Variants in GULP1 observed in about 807,000 individuals in gnomAD.
The protein encoded by GULP1 is GULP PTB domain containing engulfment adaptor 1.
A neutral mutation model predicts 40.9 loss-of-function variants in GULP1; 19 were observed. The observed-to-expected ratio is 0.46, with a 90% CI of 0.32 to 0.68. The LOEUF (loss-of-function observed/expected upper bound fraction) is 0.68, where lower values mean the gene tolerates loss of function less well. GULP1 is among the 30% of genes least tolerant of loss of function. The pLI, the probability that GULP1 is intolerant of heterozygous loss-of-function variation, is 0.03. For synonymous variants in GULP1, 119 were observed against 117.6 expected (o/e 1.01, Z -0.08); for missense variants, 312 against 362.2 (o/e 0.86, Z 1.12).
intron 2 of GULP1, among the ~76,000 whole-genome samples, chr2:188,446,602 T>C (rs1477777316): frequency 1.3e-5 from 2 of 152,202 alleles, no homozygotes; most frequent in Non-Finnish European, 2.9e-5. Context: ...CTGGATTATC[T>C]GTCTCTGCCA....
intron 11 of GULP1, chr2:188,592,426 CTAAG>C (rs1195936136): frequency 6.6e-6 from 1 of 151,822 alleles, no homozygotes; most frequent in Non-Finnish European, 1.5e-5. Context: ...ATTTATTTTT[CTAAG>C]TATTTGCTGG....
intron 4 of GULP1, among the ~76,000 whole-genome samples, chr2:188,499,146 T>TATATAC (rs1343572096): frequency 2.2e-5 from 3 of 135,204 alleles, no homozygotes; most frequent in African/African-American, 8.3e-5. Context: ...TATATATATA[T>TATATAC]ATATATATAT....
intron 11 of GULP1, chr2:188,591,678 A>G (rs949796865): frequency 2.0e-5 from 3 of 151,784 alleles, no homozygotes; most frequent in South Asian, 2.1e-4. Context: ...TATGTAATAT[A>G]TTACTTACAT....
At chr2:188,314,342 G>T (rs781290360) in intron 1 of GULP1, among the ~76,000 whole-genome samples, 1 of 152,096 alleles carries the variant, frequency 6.6e-6, no homozygotes, top group African/African-American at 2.4e-5. Context: ...ACTTTCTCCT[G>T]TGCAAATTTT....
chr2:188,363,979 C>A (rs533393204), intron 1 of GULP1, among the ~76,000 whole-genome samples: 1 of 152,124 alleles, frequency 6.6e-6, no homozygotes, highest in Non-Finnish European at 1.5e-5. Context: ...TCTAACATTG[C>A]AGCTTTTTAA....
chr2:188,329,811 C>T (rs1200329423), intron 1 of GULP1, among the ~76,000 whole-genome samples: 2 of 151,986 alleles, frequency 1.3e-5, no homozygotes, highest in African/African-American at 4.8e-5. Flanking sequence ...TGTATTTTGG[C>T]AAGATGGGGA....
intron 1 of GULP1, among the ~76,000 whole-genome samples, chr2:188,354,543 A>G (rs1328197078): frequency 6.6e-6 from 1 of 152,136 alleles, no homozygotes; most frequent in African/African-American, 2.4e-5. Flanking sequence ...GTTCATGAGG[A>G]CCTGAGCCTA....
chr2:188,309,062 T>C (rs1323397866), intron 1 of GULP1, among the ~76,000 whole-genome samples: 1 of 152,170 alleles, frequency 6.6e-6, no homozygotes, highest in African/African-American at 2.4e-5. Context: ...ACATTTATAT[T>C]GTTACTTTGT....
At chr2:188,463,949 G>A (rs2059916814) in intron 2 of GULP1, among the ~76,000 whole-genome samples, 1 of 151,932 alleles carries the variant, frequency 6.6e-6, no homozygotes, top group African/African-American at 2.4e-5. Flanking sequence ...TTTTCATTCA[G>A]ATATTGTGAA....
chr2:188,302,364 T>A (rs1169762946), intron 1 of GULP1, among the ~76,000 whole-genome samples: 4 of 152,180 alleles, frequency 2.6e-5, no homozygotes, highest in Non-Finnish European at 5.9e-5. Flanking sequence ...CATAATCTAA[T>A]CAGTTCACAA....
intron 1 of GULP1, among the ~76,000 whole-genome samples, chr2:188,320,999 A>T (rs12987194): frequency 1.3e-5 from 2 of 151,566 alleles, no homozygotes; most frequent in Non-Finnish European, 2.9e-5. Context: ...ACAGTTTCCT[A>T]TATTTCTAGA....
chr2:188,329,198 A>T lies in GULP1; in HGVS notation c.-172+37032A>T, dbSNP rs575225418. On this transcript the variant is annotated intron_variant, in intron 1 of 11. Coordinates refer to ENST00000409830, the MANE Select transcript of GULP1 (RefSeq NM_016315.4). ...TCTTCCTCTTCTTCCTTCAGGCTGG[A>T]GGAGGCAATAGCACTATTATTACCA... Among the ~76,000 whole-genome samples, 3 of 150,806 alleles carry T rather than the reference A, an allele frequency of 2.0e-5. No homozygotes were observed. The South Asian group carries it at 6.3e-4, about 32-fold the overall frequency.
At chr2:188,464,603 G>A (rs1166082405) in intron 2 of GULP1, among the ~76,000 whole-genome samples, 2 of 152,198 alleles carry the variant, frequency 1.3e-5, no homozygotes, top group African/African-American at 4.8e-5. Flanking sequence ...GCAGTGAGTT[G>A]CCCCAGGACC....
At chr2:188,404,194 C>G (rs2052722285) in intron 2 of GULP1, among the ~76,000 whole-genome samples, 2 of 151,912 alleles carry the variant, frequency 1.3e-5, no homozygotes, top group Admixed American at 1.3e-4. Context: ...AAAAGAAACC[C>G]TCAATAAATT....
intron 7 of GULP1, among the ~76,000 whole-genome samples, chr2:188,549,195 T>C (rs957013434): frequency 9.2e-5 from 14 of 151,926 alleles, no homozygotes; most frequent in Admixed American, 1.3e-4. Flanking sequence ...AAAATATCTG[T>C]ATTTTGTTTA....
intron 4 of GULP1, among the ~76,000 whole-genome samples, chr2:188,499,955 G>T (rs187686072): frequency 6.6e-6 from 1 of 151,618 alleles, no homozygotes; most frequent in Non-Finnish European, 1.5e-5. Context: ...CTATTACCAC[G>T]TGCTTTTAAA....
intron 1 of GULP1, among the ~76,000 whole-genome samples, chr2:188,341,185 C>T (rs2042922739): frequency 6.6e-6 from 1 of 152,120 alleles, no homozygotes; most frequent in African/African-American, 2.4e-5. Context: ...CTATCACTGG[C>T]ATCTACTTGG....
intron 2 of GULP1, among the ~76,000 whole-genome samples, chr2:188,449,803 A>G (rs574789638): frequency 1.3e-5 from 2 of 152,346 alleles, no homozygotes; most frequent in African/African-American, 4.8e-5. Context: ...TTGCCACATT[A>G]TTGGCAAATT....
chr2:188,491,875 G>A (rs1009181219), intron 4 of GULP1, among the ~76,000 whole-genome samples: 3 of 152,012 alleles, frequency 2.0e-5, no homozygotes, highest in African/African-American at 7.2e-5. Flanking sequence ...CATTTCCAGA[G>A]CTGTTATGCA....
Sources: allele counts gnomAD v4.1 joint callset (sites outside exome capture counted in the v4.1 genomes callset), GRCh38; gene constraint gnomAD v4.1.1; transcripts MANE v1.5; gene names NCBI Gene and HGNC (gene_info 2026-07-23, HGNC 2026-07-21).